Variants in PIBF1 observed in about 807,000 individuals in gnomAD.
PIBF1 encodes progesterone immunomodulatory binding factor 1.
Under a neutral mutation model 112.5 loss-of-function variants are expected in PIBF1, and 90 were observed. That is an observed-to-expected ratio of 0.80 (90% CI 0.67 to 0.95). PIBF1 has a LOEUF of 0.95. Among genes scored for constraint, PIBF1 ranks in the 40% least tolerant of loss-of-function variants. The probability of loss-of-function intolerance (pLI) is 0.00; values close to 1 mark genes in which losing one functional copy is unlikely to be tolerated. For synonymous variants in PIBF1, 301 were observed against 288.6 expected, an observed-to-expected ratio of 1.04 and a Z score of -0.44; for missense variants, 915 against 852.3, an observed-to-expected ratio of 1.07 and a Z score of -0.92.
At chr13:73,005,625 G>C (rs1431117007) in intron 17 of PIBF1, among the ~76,000 whole-genome samples, 1 of 152,054 alleles carries the variant, frequency 6.6e-6, no homozygotes, top group African/African-American at 2.4e-5. Context: ...GAACGTAGCA[G>C]TTATTTATAA....
intron 10 of PIBF1, among the ~76,000 whole-genome samples, chr13:72,878,529 G>A (rs2039497614): frequency 6.6e-6 from 1 of 152,000 alleles, no homozygotes. Flanking sequence ...TTTTAACTTT[G>A]TTCATGTGTG....
chr13:72,990,580 G>A (rs1362811502), intron 16 of PIBF1, among the ~76,000 whole-genome samples: 1 of 150,104 alleles, frequency 6.7e-6, no homozygotes, highest in Non-Finnish European at 1.5e-5. Context: ...GGGCATGGTG[G>A]CTCACACCTG....
intron 2 of PIBF1, among the ~76,000 whole-genome samples, chr13:72,789,732 T>C (rs968977539): frequency 2.6e-5 from 4 of 152,138 alleles, no homozygotes; most frequent in African/African-American, 9.7e-5. Flanking sequence ...TTGATTTTTT[T>C]TTTAATTTGG....
rs1164225212 is a variant in PIBF1, at chr13:72,965,373, G to A, written c.1933G>A (p.Glu645Lys). The A allele has an allele frequency of 1.3e-5, 21 of 1,610,732 alleles. No individual in the cohort carries two copies. The highest frequency in any genetic ancestry group is 1.8e-5 in the Non-Finnish European group (21 of 1,178,108). Residue 645 changes from glutamate to lysine, a missense_variant, in exon 15 of 18, where the codon GAA becomes AAA. Transcript: ENST00000326291. ...QRDSKIDSLT[E>K]SIAQLEKDVS... ...AGATTCTAAGATTGATTCACTGACG[G>A]AATCTATTGCACAACTTGAGAAAGA...
chr13:72,824,006 A>G (rs2036684394), intron 6 of PIBF1, among the ~76,000 whole-genome samples: 1 of 151,918 alleles, frequency 6.6e-6, no homozygotes, highest in Non-Finnish European at 1.5e-5. Flanking sequence ...ACTATGGATG[A>G]GATCATACTG....
chr13:72,917,739 A>G lies in PIBF1; in HGVS notation c.1730+573A>G, dbSNP rs117461225. On this transcript the variant is annotated intron_variant, in intron 13 of 17. Coordinates refer to ENST00000326291, the MANE Select transcript of PIBF1 (RefSeq NM_006346.4). ...CTTATCAAAAATATTCGCGAAAAGA[A>G]TGGATGATTGCATCTATGCTGAGTA... 8.5e-3 allele frequency among the ~76,000 whole-genome samples: 1,299 copies of G among 152,306 alleles called. 66 individuals are homozygous for G. Among genetic ancestry groups the G allele is most frequent in the East Asian group, 9.6e-3 (50 of 5,186 alleles).
chr13:72,924,581 T>C (rs1243273613), intron 13 of PIBF1, among the ~76,000 whole-genome samples: 1 of 152,034 alleles, frequency 6.6e-6, no homozygotes, highest in Non-Finnish European at 1.5e-5. Context: ...AATGAGCCAA[T>C]CACCCTAATG....
rs3219561 is a variant in PIBF1, at chr13:72,860,308, G to GGT, written c.1322+6197_1322+6198dup. Among the ~76,000 whole-genome samples the GGT allele has an allele frequency of 8.4e-3, 1,209 of 143,194 alleles. 3 individuals are homozygous for GGT. Among genetic ancestry groups the GGT allele is most frequent in the Admixed American group, 0.011 (153 of 14,070 alleles). The allele number at this position is 143,194 out of a possible 152,430, so 93.9% of individuals were successfully genotyped here. ...TTCGCTTTCCCTGTGTTTTTTTAGG[G>GGT]GTGTGTGTGTGTGTGTGTGTGTGTG... is the stretch of plus-strand genomic sequence containing the variant. On this transcript the variant is annotated intron_variant, in intron 10 of 17. Transcript: ENST00000326291.
chr13:72,902,872 A>T (rs2040549159), intron 11 of PIBF1, among the ~76,000 whole-genome samples: 1 of 151,882 alleles, frequency 6.6e-6, no homozygotes, highest in Non-Finnish European at 1.5e-5. Flanking sequence ...TCATCAATAT[A>T]CATAGAAAAA....
intron 16 of PIBF1, among the ~76,000 whole-genome samples, chr13:72,986,252 A>G (rs2043284910): frequency 6.6e-6 from 1 of 152,194 alleles, no homozygotes. Flanking sequence ...TGTTAATAGA[A>G]GGGAAAGCAA....
intron 16 of PIBF1, among the ~76,000 whole-genome samples, chr13:72,997,430 A>G (rs943131432): frequency 1.3e-5 from 2 of 152,216 alleles, no homozygotes; most frequent in African/African-American, 4.8e-5. Flanking sequence ...GTCTGCAAGT[A>G]TATGCATTCT....
chr13:72,853,648 G>A (rs1158010365), intron 9 of PIBF1, among the ~76,000 whole-genome samples: 2 of 151,850 alleles, frequency 1.3e-5, no homozygotes, highest in African/African-American at 4.8e-5. Flanking sequence ...ATCCCAAACC[G>A]CACTTTTATT....
Position 72,917,105 on chromosome 13 carries a change from CT to C in PIBF1, c.1675del (p.Ser559ProfsTer16). On this transcript the variant is annotated frameshift_variant, in exon 13 of 18. Coordinates refer to ENST00000326291, the MANE Select transcript of PIBF1 (RefSeq NM_006346.4). LOFTEE classifies it high-confidence loss of function. Reference sequence around the variant, plus strand: ...AAATGAAGATGAGGCTGAAAGGGTTCTTTTTTCCTACGGCTATGGTGCTAAT... The same window carrying C: ...AAATGAAGATGAGGCTGAAAGGGTTCTTTTTCCTACGGCTATGGTGCTAAT... ...IENEDEAERV[L>X]FSYGYGANVP... 1 of 1,596,972 alleles carries C rather than the reference CT, an allele frequency of 6.3e-7. No homozygotes were observed. The highest frequency in any genetic ancestry group is 1.1e-5 in the South Asian group (1 of 88,244).
At chr13:72,982,510 A>G (rs1429299450) in intron 16 of PIBF1, among the ~76,000 whole-genome samples, 1 of 152,148 alleles carries the variant, frequency 6.6e-6, no homozygotes, top group African/African-American at 2.4e-5. Flanking sequence ...AAAGAAAAAC[A>G]TACCCTTTTC....
At chr13:72,936,916 C>G (rs1309257357) in intron 14 of PIBF1, among the ~76,000 whole-genome samples, 1 of 152,082 alleles carries the variant, frequency 6.6e-6, no homozygotes, top group Non-Finnish European at 1.5e-5. Context: ...CATGAACATA[C>G]TGTATCTTTA....
At chr13:72,857,735 G>A (rs1021853571) in intron 10 of PIBF1, among the ~76,000 whole-genome samples, 15 of 152,098 alleles carry the variant, frequency 9.9e-5, no homozygotes, top group African/African-American at 3.1e-4. Context: ...AGCTACTTGG[G>A]AGGTGGAGGC....
chr13:72,793,699 A>G (rs1463776637), intron 3 of PIBF1, among the ~76,000 whole-genome samples: 1 of 152,194 alleles, frequency 6.6e-6, no homozygotes, highest in East Asian at 1.9e-4. Flanking sequence ...GATTCTGAAT[A>G]TTTTTTGGAG....
At chr13:72,816,936 G>C (rs2036302411) in intron 5 of PIBF1, among the ~76,000 whole-genome samples, 1 of 152,062 alleles carries the variant, frequency 6.6e-6, no homozygotes, top group South Asian at 2.1e-4. Context: ...CTTATAAAGG[G>C]ACAGCCTATA....
chr13:72,856,675 C>T lies in PIBF1; in HGVS notation c.1322+2520C>T, dbSNP rs532983191. ...AAAATGCTTAAAATAGCTAAAGTTA[C>T]TTATCTGTTTTTTAAGATATAATAT... is the stretch of plus-strand genomic sequence containing the variant. On this transcript the variant is annotated intron_variant, in intron 10 of 17. Transcript: ENST00000326291. 5.3e-5 allele frequency among the ~76,000 whole-genome samples: 8 copies of T among 152,194 alleles called. No homozygotes were observed. In the South Asian group the frequency reaches 1.7e-3, roughly 32 times the overall value.
Sources: gnomAD v4.1 joint callset for allele counts (sites outside exome capture counted in the v4.1 genomes callset) on GRCh38, gnomAD v4.1.1 for gene constraint, MANE v1.5 for transcripts, NCBI Gene and HGNC (gene_info 2026-07-23, HGNC 2026-07-21) for gene names.